Variants in PPRC1 observed in about 807,000 individuals in gnomAD.
PPRC1 encodes the protein PPARG related coactivator 1.
A neutral mutation model predicts 132.5 loss-of-function variants in PPRC1; 23 were observed. That is an observed-to-expected ratio of 0.17 (90% CI 0.12 to 0.25). The LOEUF is 0.25. PPRC1 is among the 10% of genes least tolerant of loss of function. PPRC1 has a pLI of 1.00. For synonymous variants in PPRC1, 872 were observed against 833.5 expected (o/e 1.05, Z -0.80); for missense variants, 2,006 against 2,089.1 (o/e 0.96, Z 0.78).
intron 2 of PPRC1, 56 bp from the exon 3 acceptor site, chr10:102,138,563 G>C: frequency 1.3e-6 from 2 of 1,587,894 alleles, no homozygotes. Context: ...GTCCTTAGTG[G>C]CATAGTAGGT....
chr10:102,126,458 CTTTT>C, the PPRC1 span, among the ~76,000 whole-genome samples: 2 of 140,136 alleles, frequency 1.4e-5, no homozygotes, highest in Non-Finnish European at 3.1e-5. Flanking sequence ...TGAACTATAA[CTTTT>C]TTTTTTTTTT....
chr10:102,144,366 C>G, intron 7 of PPRC1, 59 bp downstream of exon 7: 1 of 1,512,450 alleles, frequency 6.6e-7, no homozygotes, highest in African/African-American at 1.4e-5. Context: ...CCGGCTGACA[C>G]TCCAGGACTG....
rs144038954 is a variant in PPRC1 at position 102,137,900 on chromosome 10, G to A, written c.204G>A (p.Arg68=). 7.9e-5 allele frequency: 128 copies of A among 1,614,124 alleles called. No homozygotes were observed. Among genetic ancestry groups the A allele is most frequent in the Middle Eastern group, 1.7e-4 (1 of 6,060 alleles). The change falls in exon 2 of 14, where the codon CGG becomes CGA. Residue 68 remains arginine, a synonymous_variant. Transcript: ENST00000278070. ...AGDSGFVSLS[R]LGPSLRDKDL... is the part of the protein sequence containing the mutation. ...ATTCTGGCTTTGTCAGTCTCTCTCG[G>A]CTGGGCCCATCTCTGAGGGACAAGG...
chr10:102,130,761 A>G (rs2068528292), upstream of PPRC1, among the ~76,000 whole-genome samples: 1 of 151,954 alleles, frequency 6.6e-6, no homozygotes, highest in African/African-American at 2.4e-5. Flanking sequence ...AACAAAAGAA[A>G]CAACTAAACA....
In PPRC1 at chr10:102,148,926, T is replaced by C; in HGVS notation, c.4727T>C (p.Phe1576Ser). The stretch of plus-strand genomic sequence containing the variant: ...GAGATTGAGGAGTGCACCATCCACT[T>C]CCGTGTCCAAGGGTAAGCTTGGGCC... ...FGEIEECTIH[F>S]RVQGDNYGFV... is the part of the protein sequence containing the mutation. Residue 1576 changes from phenylalanine to serine, a missense_variant, in exon 12 of 14, where the codon TTC becomes TCC. Phe to Ser is a radical substitution (Grantham distance 155). This residue lies in a region of PPRC1 where 92 missense variants were observed against 171.9 expected (regional missense o/e 0.54). Coordinates refer to ENST00000278070, the MANE Select transcript of PPRC1 (RefSeq NM_015062.5). The surrounding 1 kb of genome is among the most constrained non-coding windows in gnomAD (Gnocchi z 4.2). The C allele has an allele frequency of 6.2e-7, 1 of 1,614,124 alleles. No homozygotes were observed. Among genetic ancestry groups the C allele is most frequent in the East Asian group, 2.2e-5 (1 of 44,886 alleles).
At position 102,144,236 on chromosome 10, in the gene PPRC1, TG is replaced by T; in HGVS notation, c.3551-12del. On this transcript the variant is annotated splice_polypyrimidine_tract_variant and intron_variant, in intron 6 of 13. Transcript: ENST00000278070. ...CATCTGGTTGGGCTTTTAACTAGTA[TG>T]GTTTCTTTGCAGCCAAAAAGGAGTG... 6.2e-7 allele frequency: 1 copy of T among 1,614,090 alleles called. No individual in the cohort carries two copies. The highest frequency in any genetic ancestry group is 8.5e-7 in the Non-Finnish European group (1 of 1,179,898).
Position 102,150,154 on chromosome 10 carries a change from G to A in PPRC1, c.*125G>A. ...CTGTTTTATAAAGAAATGGAAAAAA[G>A]TGAAATAAAAAATATGTTGAATCAG... is the stretch of plus-strand genomic sequence containing the variant. On this transcript the variant is annotated 3_prime_UTR_variant, in exon 14 of 14. Coordinates refer to ENST00000278070, the MANE Select transcript of PPRC1 (RefSeq NM_015062.5). 1 of 676,544 alleles carries A rather than the reference G, an allele frequency of 1.5e-6. No individual in the cohort carries two copies. The highest frequency in any genetic ancestry group is 2.5e-6 in the Non-Finnish European group (1 of 396,592). The allele number at this position is 676,544 out of a possible 1,614,324, so 41.9% of individuals were successfully genotyped here.
Position 102,144,313 on chromosome 10 carries a change from T to C in PPRC1, c.3608+6T>C. 1 of 1,613,476 alleles carries C rather than the reference T, an allele frequency of 6.2e-7. No homozygotes were observed. Among genetic ancestry groups the C allele is most frequent in the Non-Finnish European group, 8.5e-7 (1 of 1,179,752 alleles). ...TTGGCTGTAGGAAACTCAGGGTAAG[T>C]ATGGAGACATGAGCGAGTTACCCTA... On this transcript the variant is annotated splice_donor_region_variant and intron_variant, in intron 7 of 13. Coordinates refer to ENST00000278070, the MANE Select transcript of PPRC1 (RefSeq NM_015062.5).
the PPRC1 span, among the ~76,000 whole-genome samples, chr10:102,127,064 T>G: frequency 1.8e-5 from 1 of 54,412 alleles, no homozygotes; most frequent in East Asian, 3.4e-4. Context: ...TATATATATA[T>G]ATATAAATTA....
rs761451490 is a variant in PPRC1 at position 102,147,321 on chromosome 10, ATCC to A, written c.4332_4334del (p.Ser1451del). 6 of 1,611,392 alleles carry A rather than the reference ATCC, an allele frequency of 3.7e-6. No homozygotes were observed. Among genetic ancestry groups the A allele is most frequent in the South Asian group, 1.1e-5 (1 of 91,074 alleles). ...ACCGGACTAGCGAAGCATCTTCCTC[ATCC>A]TCATCATCGTCTTCCTCATCCCGAT... On this transcript the variant is annotated inframe_deletion, in exon 9 of 14. Coordinates refer to ENST00000278070, the MANE Select transcript of PPRC1 (RefSeq NM_015062.5).
At chr10:102,133,909 C>T (rs930508910) in intron 1 of PPRC1, among the ~76,000 whole-genome samples, 1 of 151,348 alleles carries the variant, frequency 6.6e-6, no homozygotes, top group Admixed American at 6.6e-5. Context: ...CTGCTTGGGT[C>T]CGCAACGTCT....
At chr10:102,131,384 C>CT (rs1290650828), upstream of PPRC1, among the ~76,000 whole-genome samples, 2 of 146,562 alleles carry the variant, frequency 1.4e-5, no homozygotes, top group Non-Finnish European at 3.0e-5. Flanking sequence ...ACCCTATTGT[C>CT]TAACAAAAAA....
the PPRC1 span, among the ~76,000 whole-genome samples, chr10:102,123,679 T>C: frequency 6.6e-6 from 1 of 151,184 alleles, no homozygotes; most frequent in Non-Finnish European, 1.5e-5. Flanking sequence ...TACAGGCACC[T>C]GCCACCACGC....
Position 102,139,740 on chromosome 10 carries a change from AAG to A in PPRC1, c.1235_1236del (p.Glu412GlyfsTer106). ...CCCAAGGTAACCCTCTGCTCTGAGA[AAG>A]AGGGGTTGTCATTGAACTCAGAGGA... On this transcript the variant is annotated frameshift_variant, in exon 5 of 14. Coordinates refer to ENST00000278070, the MANE Select transcript of PPRC1 (RefSeq NM_015062.5). LOFTEE classifies it high-confidence loss of function. 2 of 1,614,152 alleles carry A rather than the reference AAG, an allele frequency of 1.2e-6. No individual in the cohort carries two copies. The highest frequency in any genetic ancestry group is 1.7e-6 in the Non-Finnish European group (2 of 1,180,030).
chr10:102,141,153 C>G lies in PPRC1; in HGVS notation c.2645C>G (p.Pro882Arg). 1 of 1,614,040 alleles carries G rather than the reference C, an allele frequency of 6.2e-7. No individual in the cohort carries two copies. Among genetic ancestry groups the G allele is most frequent in the East Asian group, 2.2e-5 (1 of 44,876 alleles). The change falls in exon 5 of 14, where the codon CCT becomes CGT. Residue 882 changes from proline to arginine, a missense_variant. Around this residue, in one of 2 missense-constraint regions of PPRC1, gnomAD observed 1,914 missense variants for 1,917.2 expected, o/e 1.00. Transcript: ENST00000278070. ...TCGATGTCTGCTGCCCTGCCTTTCC[C>G]TGCAGGTGGGCTTGGCATGCCCCCC... ...PPSMSAALPF[P>R]AGGLGMPPSL...
chr10:102,133,623 C>A (rs1375652818), intron 1 of PPRC1, among the ~76,000 whole-genome samples: 1 of 152,066 alleles, frequency 6.6e-6, no homozygotes. Context: ...CTCCCCTCCC[C>A]CTCTAGGCGG....
intron 9 of PPRC1, among the ~76,000 whole-genome samples, chr10:102,147,664 C>G (rs2069323127): frequency 6.6e-6 from 1 of 152,038 alleles, no homozygotes; most frequent in African/African-American, 2.4e-5. Context: ...TGATTTTGAC[C>G]ATGTTGATTT....
chr10:102,138,872 C>T lies in PPRC1; in HGVS notation c.490-7C>T. ...AGACTGATCTCAGGTCTTTCTTTCC[C>T]TCTTAGCTGCACAAGCTGCTTACTC... On this transcript the variant is annotated splice_polypyrimidine_tract_variant and splice_region_variant and intron_variant, in intron 3 of 13. Transcript: ENST00000278070. The T allele has an allele frequency of 6.2e-7, 1 of 1,613,860 alleles. No individual in the cohort carries two copies. Among genetic ancestry groups the T allele is most frequent in the Non-Finnish European group, 8.5e-7 (1 of 1,179,768 alleles).
chr10:102,148,561 A>G lies in PPRC1; in HGVS notation c.4550+40A>G. 13 of 1,612,276 alleles carry G rather than the reference A, an allele frequency of 8.1e-6. No homozygotes were observed. The highest frequency in any genetic ancestry group is 1.1e-5 in the Non-Finnish European group (13 of 1,178,278). On this transcript the variant is annotated intron_variant, in intron 10 of 13. Transcript: ENST00000278070. The surrounding 1 kb of genome is among the most constrained non-coding windows in gnomAD (Gnocchi z 4.2). ...AGGGAGCGCCATGCACCTGGGATGC[A>G]GGTGCCTAAGAGTTGAGTCTTGAAT...
Sources: gnomAD v4.1 joint callset for allele counts (sites outside exome capture counted in the v4.1 genomes callset) on GRCh38, gnomAD v4.1.1 for gene constraint, gnomAD v4.1.1 regional missense constraint, Gnocchi (gnomAD v3.1) non-coding constraint, MANE v1.5 for transcripts, NCBI Gene and HGNC (gene_info 2026-07-23, HGNC 2026-07-21) for gene names.